The following FNTB variants were observed in gnomAD, a reference collection of about 807,000 sequenced individuals.
FNTB encodes the protein protein farnesyltransferase subunit beta.
A neutral mutation model predicts 59.4 loss-of-function variants in FNTB; 27 were observed. The ratio of observed to expected loss-of-function variants is 0.45; its 90% CI spans 0.34 to 0.63. The LOEUF is 0.63. FNTB is among the 20% of genes least tolerant of loss of function. The pLI is 0.02. For missense variants in FNTB, 449 were observed against 559.6 expected (o/e 0.80, Z 1.99); for synonymous variants, 230 against 220.7 (o/e 1.04, Z -0.37).
intron 1 of FNTB, 74 bp from the exon 2 acceptor site, chr14:65,004,175 C>CA (rs1229176524): frequency 6.5e-7 from 1 of 1,538,892 alleles, no homozygotes. Context: ...GCATTTGTGG[C>CA]AATAGGAAGA....
At position 65,054,211 on chromosome 14, in the gene FNTB, C is replaced by T. The variant is rs1288052136; in HGVS notation, c.1068-364C>T. ...CACTGCAGCCTTCACCTCTTGGGCTCGAGTGATCCTCCTGCTTCAGCCTCC... is the reference window on the plus strand; with the variant it reads ...CACTGCAGCCTTCACCTCTTGGGCTTGAGTGATCCTCCTGCTTCAGCCTCC... On this transcript the variant is annotated intron_variant, in intron 10 of 11. Coordinates refer to ENST00000246166, the MANE Select transcript of FNTB (RefSeq NM_002028.4). The surrounding 1 kb of genome is among the most constrained non-coding windows in gnomAD (Gnocchi z 4.4). 6.6e-6 allele frequency among the ~76,000 whole-genome samples: 1 copy of T among 152,076 alleles called. No individual in the cohort carries two copies. The highest frequency in any genetic ancestry group is 1.5e-5 in the Non-Finnish European group (1 of 68,032).
Position 65,011,763 on chromosome 14 carries a change from G to A in FNTB, c.210-554G>A, listed in dbSNP as rs2061687047. Among the ~76,000 whole-genome samples the A allele has an allele frequency of 6.6e-6, 1 of 152,222 alleles. No homozygotes were observed. ...GGACAGCGACTGGCTGCAGAACACG[G>A]TCCTCTGGCCAGGGCTGTGGGTCAC... is the stretch of plus-strand genomic sequence containing the variant. On this transcript the variant is annotated intron_variant, in intron 2 of 11. Transcript: ENST00000246166. The surrounding 1 kb of genome is among the most constrained non-coding windows in gnomAD (Gnocchi z 4.0).
At chr14:65,037,875 G>C (rs571021014) in intron 7 of FNTB, among the ~76,000 whole-genome samples, 121 of 151,188 alleles carry the variant, frequency 8.0e-4, no homozygotes, top group African/African-American at 2.7e-3. Flanking sequence ...TTTCTCCCAG[G>C]TTCAAGCGAT....
intron 4 of FNTB, among the ~76,000 whole-genome samples, chr14:65,025,101 T>G (rs1202217299): frequency 6.6e-6 from 1 of 152,124 alleles, no homozygotes; most frequent in Non-Finnish European, 1.5e-5. Flanking sequence ...GTGTCTGAGA[T>G]CAAGAGAAGC....
chr14:65,022,579 C>G (rs1047753144), intron 4 of FNTB, among the ~76,000 whole-genome samples: 5 of 151,916 alleles, frequency 3.3e-5, no homozygotes, highest in Non-Finnish European at 7.4e-5. Context: ...ATTGCCTAAG[C>G]TGGTCTCAAA....
chr14:65,017,501 G>A (rs1222003166), intron 4 of FNTB, among the ~76,000 whole-genome samples: 1 of 152,114 alleles, frequency 6.6e-6, no homozygotes, highest in Non-Finnish European at 1.5e-5. Context: ...TTTTTTTCTA[G>A]GCTGTGTACT....
chr14:65,026,794 G>A (rs550576124), intron 4 of FNTB, among the ~76,000 whole-genome samples: 51 of 151,960 alleles, frequency 3.4e-4, no homozygotes, highest in African/African-American at 1.1e-3. Flanking sequence ...CCTGGGAGAC[G>A]GATGCTGCAA....
At chr14:64,989,593 A>T (rs1888105331) in intron 1 of FNTB, among the ~76,000 whole-genome samples, 1 of 152,144 alleles carries the variant, frequency 6.6e-6, no homozygotes, top group African/African-American at 2.4e-5. Flanking sequence ...TTATCAGAAG[A>T]CTCGGTTTAT....
At position 65,027,359 on chromosome 14, in the gene FNTB, G is replaced by A. The variant is rs1325934043; in HGVS notation, c.375-94G>A. ...TTCCCCTCAACTTTTGAGGGAGTGG[G>A]GGATCATTGGAAAGGCCTGGAATCT... On this transcript the variant is annotated intron_variant, in intron 4 of 11. Coordinates refer to ENST00000246166, the MANE Select transcript of FNTB (RefSeq NM_002028.4). This position sits in a 1 kb window ranked among gnomAD's most constrained non-coding sequence, Gnocchi z 5.7. The A allele has an allele frequency of 6.4e-7, 1 of 1,559,610 alleles. No homozygotes were observed. The highest frequency in any genetic ancestry group is 1.4e-5 in the African/African-American group (1 of 73,748).
At chr14:65,025,965 C>T (rs1485482103) in intron 4 of FNTB, among the ~76,000 whole-genome samples, 2 of 152,202 alleles carry the variant, frequency 1.3e-5, no homozygotes, top group Admixed American at 1.3e-4. Flanking sequence ...AAGGCAGCAG[C>T]GTTTGCTTTT....
chr14:65,036,211 G>A (rs142069114), intron 7 of FNTB, among the ~76,000 whole-genome samples: 2 of 152,048 alleles, frequency 1.3e-5, no homozygotes, highest in East Asian at 3.9e-4. Context: ...GTCAAGTGGT[G>A]GGATACTGAA....
chr14:64,987,194 C>G lies in FNTB; in HGVS notation c.144+97C>G, dbSNP rs530976529. 6.2e-3 allele frequency: 8,700 copies of G among 1,404,142 alleles called. 42 individuals are homozygous for G. Among genetic ancestry groups the G allele is most frequent in the Non-Finnish European group, 7.9e-3 (8,059 of 1,017,886 alleles). The allele number at this position is 1,404,142 out of a possible 1,614,324, so 87.0% of individuals were successfully genotyped here. Reference sequence around the variant, plus strand: ...CCCGGGTGCGGAACTCACCGGGGAACTACGACTCCCACAGCGCACCGCGGT... The same window carrying G: ...CCCGGGTGCGGAACTCACCGGGGAAGTACGACTCCCACAGCGCACCGCGGT... On this transcript the variant is annotated intron_variant, in intron 1 of 11. Transcript: ENST00000246166.
intron 1 of FNTB, among the ~76,000 whole-genome samples, chr14:65,003,170 G>A (rs2061539253): frequency 1.3e-5 from 2 of 152,176 alleles, no homozygotes; most frequent in Non-Finnish European, 2.9e-5. Context: ...CTGACTTTCT[G>A]AGATCCTTCA....
chr14:65,015,684 A>G lies in FNTB; in HGVS notation c.342A>G (p.Leu114=), dbSNP rs1474262148. Residue 114 remains leucine (L), a synonymous_variant, in exon 4 of 12, where the codon CTA becomes CTG. Coordinates refer to ENST00000246166, the MANE Select transcript of FNTB (RefSeq NM_002028.4). ...CYWILHSLEL[L]DEPIPQIVAT... ...GGATCCTGCACAGCTTGGAACTGCT[A>G]GATGAACCCATCCCCCAGATAGTGG... The G allele has an allele frequency of 6.2e-7, 1 of 1,614,046 alleles. No individual in the cohort carries two copies. Among genetic ancestry groups the G allele is most frequent in the Non-Finnish European group, 8.5e-7 (1 of 1,180,022 alleles).
chr14:65,020,075 CT>C (rs1397014145), intron 4 of FNTB, among the ~76,000 whole-genome samples: 1 of 152,214 alleles, frequency 6.6e-6, no homozygotes, highest in Non-Finnish European at 1.5e-5. Flanking sequence ...CACACGCCCC[CT>C]ACACTTACAC....
intron 4 of FNTB, among the ~76,000 whole-genome samples, chr14:65,016,039 C>T (rs557079052): frequency 6.6e-6 from 1 of 152,306 alleles, no homozygotes; most frequent in South Asian, 2.1e-4. Flanking sequence ...CCAGAAAGTA[C>T]AGTATGCATT....
intron 3 of FNTB, among the ~76,000 whole-genome samples, chr14:65,013,447 G>C (rs566215773): frequency 7.2e-5 from 11 of 152,250 alleles, no homozygotes; most frequent in Non-Finnish European, 1.0e-4. Context: ...TGGCCTGTGG[G>C]CTATGAATTT....
At chr14:65,006,656 CT>C (rs1351305259) in intron 2 of FNTB, among the ~76,000 whole-genome samples, 3 of 152,220 alleles carry the variant, frequency 2.0e-5, no homozygotes, top group African/African-American at 7.2e-5. Context: ...TGTCCACTGC[CT>C]GGGCTCTGGG....
At chr14:65,015,563 T>C (rs757571411) in intron 3 of FNTB, 62 bp from the exon 4 acceptor site, 17 of 1,583,828 alleles carry the variant, frequency 1.1e-5, no homozygotes, top group Non-Finnish European at 1.4e-5. Flanking sequence ...GATACAGCCT[T>C]GGCAGCAGTG....
Sources: allele counts gnomAD v4.1 joint callset (sites outside exome capture counted in the v4.1 genomes callset), GRCh38; gene constraint gnomAD v4.1.1; non-coding constraint Gnocchi (gnomAD v3.1); transcripts MANE v1.5; gene names NCBI Gene and HGNC (gene_info 2026-07-23, HGNC 2026-07-21).